CTNND2: variants seen among roughly 807,000 people sequenced by gnomAD.
CTNND2 encodes the protein catenin delta-2.
A neutral mutation model predicts 144.4 loss-of-function variants in CTNND2; 22 were observed. The ratio of observed to expected loss-of-function variants is 0.15; its 90% CI spans 0.11 to 0.22. The LOEUF is 0.22. Among genes scored for constraint, CTNND2 ranks in the 10% least tolerant of loss-of-function variants. The probability of loss-of-function intolerance (pLI) is 1.00; values close to 1 mark genes in which losing one functional copy is unlikely to be tolerated. For synonymous variants in CTNND2, 751 were observed against 695.6 expected (o/e 1.08, Z -1.25); for missense variants, 1,353 against 1,618.8 (o/e 0.84, Z 2.82).
At chr5:11,895,768 A>G (rs1737346323) in intron 1 of CTNND2, among the ~76,000 whole-genome samples, 2 of 152,200 alleles carry the variant, frequency 1.3e-5, no homozygotes, top group South Asian at 2.1e-4. Flanking sequence ...AAAAAGGAAA[A>G]TAGATAAATT....
chr5:11,510,818 CT>C (rs1388665280), intron 3 of CTNND2, among the ~76,000 whole-genome samples: 1 of 151,990 alleles, frequency 6.6e-6, no homozygotes, highest in Non-Finnish European at 1.5e-5. Flanking sequence ...GTAGTCCCAG[CT>C]ACTTGGGAGG....
intron 1 of CTNND2, among the ~76,000 whole-genome samples, chr5:11,777,947 G>A (rs940358213): frequency 6.6e-6 from 1 of 152,106 alleles, no homozygotes; most frequent in East Asian, 1.9e-4. Flanking sequence ...AGTAGTCCCA[G>A]AATAAAAGAT....
intron 10 of CTNND2, among the ~76,000 whole-genome samples, chr5:11,205,176 A>C (rs904523038): frequency 2.0e-4 from 30 of 152,092 alleles, no homozygotes; most frequent in African/African-American, 7.0e-4. Flanking sequence ...CTATCGCTAC[A>C]TACTATATAT....
chr5:11,143,667 T>G (rs188415030), intron 12 of CTNND2, among the ~76,000 whole-genome samples: 3 of 152,370 alleles, frequency 2.0e-5, no homozygotes, highest in Admixed American at 1.3e-4. Context: ...TCTTCAGTAG[T>G]TGGGGTTAGG....
At chr5:11,783,428 T>G (rs933226987) in intron 1 of CTNND2, among the ~76,000 whole-genome samples, 1 of 152,118 alleles carries the variant, frequency 6.6e-6, no homozygotes, top group Non-Finnish European at 1.5e-5. Context: ...CTCTTCATAA[T>G]TTGTTAAGTT....
Position 11,159,731 on chromosome 5 carries a change from A to G in CTNND2, c.2004T>C (p.Asp668=), listed in dbSNP as rs1560946160. 1.2e-6 allele frequency: 2 copies of G among 1,606,254 alleles called. No individual in the cohort carries two copies. The highest frequency in any genetic ancestry group is 1.7e-6 in the Non-Finnish European group (2 of 1,176,362). Residue 668 remains aspartate, a synonymous_variant, in exon 12 of 22, where the codon GAT becomes GAC. Transcript: ENST00000304623. The stretch of plus-strand genomic sequence containing the variant: ...CCTGGATGATTGGCATTTTGAGTGC[A>G]TCGCATGAGGAGAGGTTCCAAAGGA... ...TGVLWNLSSC[D]ALKMPIIQDA...
chr5:11,442,962 AATAT>A (rs1409088150), intron 3 of CTNND2, among the ~76,000 whole-genome samples: 3 of 147,490 alleles, frequency 2.0e-5, no homozygotes, highest in Non-Finnish European at 4.5e-5. Flanking sequence ...ATATAAAATA[AATAT>A]ATATAATATA....
intron 3 of CTNND2, among the ~76,000 whole-genome samples, chr5:11,451,268 A>T (rs1391360134): frequency 6.6e-6 from 1 of 152,120 alleles, no homozygotes; most frequent in Non-Finnish European, 1.5e-5. Context: ...GTTATATTTA[A>T]CATAAGAGTT....
chr5:11,719,352 T>G (rs75813645), intron 2 of CTNND2, among the ~76,000 whole-genome samples: 1 of 152,120 alleles, frequency 6.6e-6, no homozygotes, highest in Non-Finnish European at 1.5e-5. Context: ...ATCCTTAAAA[T>G]AGATTACAGC....
At chr5:11,862,229 C>T (rs1033870189) in intron 1 of CTNND2, among the ~76,000 whole-genome samples, 2 of 152,092 alleles carry the variant, frequency 1.3e-5, no homozygotes, top group East Asian at 1.9e-4. Flanking sequence ...AACCAACTTA[C>T]TACTAGAAAT....
chr5:11,249,099 C>T (rs781561948), intron 9 of CTNND2, among the ~76,000 whole-genome samples: 1 of 152,196 alleles, frequency 6.6e-6, no homozygotes. Flanking sequence ...GTGGGCAACA[C>T]AGTGGGAGCA....
At chr5:11,078,956 T>TA (rs35362853) in intron 16 of CTNND2, among the ~76,000 whole-genome samples, 13 of 152,220 alleles carry the variant, frequency 8.5e-5, no homozygotes, top group African/African-American at 2.9e-4. Flanking sequence ...GTGAATCTGT[T>TA]AGACACAGAT....
intron 17 of CTNND2, among the ~76,000 whole-genome samples, chr5:11,022,455 C>A (rs187616179): frequency 5.6e-4 from 86 of 152,240 alleles, no homozygotes; most frequent in African/African-American, 1.9e-3. Context: ...AGGCACAGAG[C>A]AGAGGGATGT....
intron 2 of CTNND2, among the ~76,000 whole-genome samples, chr5:11,602,866 A>T (rs1375711462): frequency 6.7e-6 from 1 of 149,910 alleles, no homozygotes; most frequent in Admixed American, 6.7e-5. Flanking sequence ...TTTTCAAGCT[A>T]ATATTGAAGT....
At chr5:11,893,316 C>T (rs1737132503) in intron 1 of CTNND2, among the ~76,000 whole-genome samples, 1 of 152,148 alleles carries the variant, frequency 6.6e-6, no homozygotes, top group Non-Finnish European at 1.5e-5. Context: ...GAAATAGCTA[C>T]CCTTCAACTA....
intron 1 of CTNND2, among the ~76,000 whole-genome samples, chr5:11,783,062 G>T (rs960333826): frequency 4.6e-5 from 7 of 151,926 alleles, no homozygotes; most frequent in African/African-American, 9.7e-5. Flanking sequence ...GGCTGCCTTT[G>T]GTCAACTTAA....
At chr5:11,894,220 C>A (rs1737218185) in intron 1 of CTNND2, among the ~76,000 whole-genome samples, 1 of 152,064 alleles carries the variant, frequency 6.6e-6, no homozygotes, top group Non-Finnish European at 1.5e-5. Context: ...AAATAATATT[C>A]TGGAGACATT....
At chr5:11,821,461 C>T (rs58981828) in intron 1 of CTNND2, among the ~76,000 whole-genome samples, 6 of 151,878 alleles carry the variant, frequency 4.0e-5, no homozygotes, top group Non-Finnish European at 8.8e-5. Context: ...ACATTTCTGT[C>T]GCTTTAAGGG....
chr5:11,736,398 C>T (rs1196024779), intron 1 of CTNND2, among the ~76,000 whole-genome samples: 1 of 152,176 alleles, frequency 6.6e-6, no homozygotes, highest in Non-Finnish European at 1.5e-5. Context: ...CCGTACAGAG[C>T]TACCGCTACC....
Sources: gnomAD v4.1 joint callset for allele counts (sites outside exome capture counted in the v4.1 genomes callset) on GRCh38, gnomAD v4.1.1 for gene constraint, MANE v1.5 for transcripts, NCBI Gene and HGNC (gene_info 2026-07-23, HGNC 2026-07-21) for gene names.